DCC: variants seen among roughly 807,000 people sequenced by gnomAD.
DCC encodes netrin receptor DCC.
DCC carries 58 observed loss-of-function variants against 172.5 expected under a neutral mutation model. The observed-to-expected ratio is 0.34, with a 90% CI of 0.27 to 0.42. DCC has a LOEUF of 0.42. Ranked by LOEUF, DCC falls within the 10% of genes least tolerant of loss-of-function variation. The pLI is 1.00. For missense variants in DCC, 1,740 were observed against 1,791.0 expected, an observed-to-expected ratio of 0.97 and a Z score of 0.51; for synonymous variants, 709 against 644.5, an observed-to-expected ratio of 1.10 and a Z score of -1.52.
At chr18:52,841,799 T>C (rs544953483) in intron 2 of DCC, among the ~76,000 whole-genome samples, 17 of 152,058 alleles carry the variant, frequency 1.1e-4, no homozygotes, top group Non-Finnish European at 8.8e-5. Flanking sequence ...ATTTTTGCCA[T>C]TCCCCCCTCC....
At chr18:52,497,284 T>A (rs866913604) in intron 1 of DCC, among the ~76,000 whole-genome samples, 4,265 of 26,362 alleles carry the variant, frequency 0.16, 474 homozygotes, top group Non-Finnish European at 0.21. Flanking sequence ...AAAAAAAATA[T>A]ATATATATAT....
chr18:53,377,385 G>GAGAGAGAGAT (rs1241310696), intron 15 of DCC, among the ~76,000 whole-genome samples: 17 of 150,544 alleles, frequency 1.1e-4, no homozygotes, highest in Non-Finnish European at 1.9e-4. Context: ...GAGAGAGAGA[G>GAGAGAGAGAT]AGAGGAAGAA....
intron 2 of DCC, among the ~76,000 whole-genome samples, chr18:52,866,471 T>G (rs1457398630): frequency 2.0e-5 from 3 of 152,232 alleles, no homozygotes; most frequent in Non-Finnish European, 2.9e-5. Context: ...ATCTATAAAT[T>G]ACTTTGGGCA....
At position 52,915,006 on chromosome 18, in the gene DCC, G is replaced by C. The variant is rs2040020285; in HGVS notation, c.697+8678G>C. ...GAGGAGTACACAATGAGGAAAAAAG[G>C]CTTTTGCATTCAGAAAGCATAAAAA... On this transcript the variant is annotated intron_variant, in intron 3 of 28. Coordinates refer to ENST00000442544, the MANE Select transcript of DCC (RefSeq NM_005215.4). Among the ~76,000 whole-genome samples, 3 of 152,212 alleles carry C rather than the reference G, an allele frequency of 2.0e-5. 1 individual carries two copies. Among genetic ancestry groups the C allele is most frequent in the South Asian group, 4.1e-4 (2 of 4,826 alleles).
rs1419777115 is a variant in DCC at position 52,497,216 on chromosome 18, G to A, written c.91+156338G>A. ...TTTGAGGCTGCAGTTAACTATGATG[G>A]CGCCACTGCTCTCCAGCCTGGGTAA... On this transcript the variant is annotated intron_variant, in intron 1 of 28. Coordinates refer to ENST00000442544, the MANE Select transcript of DCC (RefSeq NM_005215.4). 2.8e-5 allele frequency among the ~76,000 whole-genome samples: 4 copies of A among 141,928 alleles called. 1 individual carries two copies. The South Asian group carries it at 6.7e-4, about 24-fold the overall frequency. The allele number at this position is 141,928 out of a possible 152,430, so 93.1% of individuals were successfully genotyped here. A position where few individuals can be genotyped will look rare whatever the true frequency, so the allele number is the denominator to read the frequency against.
intron 7 of DCC, among the ~76,000 whole-genome samples, chr18:53,143,355 T>C (rs8089828): frequency 0.56 from 85,475 of 151,988 alleles, 24,614 homozygotes; most frequent in South Asian, 0.74. Flanking sequence ...ATAGCAGTGA[T>C]TCCTCCTTTT....
chr18:53,100,062 T>A (rs1418394323), intron 7 of DCC, among the ~76,000 whole-genome samples: 1 of 150,600 alleles, frequency 6.6e-6, no homozygotes, highest in Non-Finnish European at 1.5e-5. Context: ...TTCTCCTGCA[T>A]CAGCCTCCCA....
Position 53,339,715 on chromosome 18 carries a change from T to A in DCC, c.2167T>A (p.Ser723Thr), listed in dbSNP as rs1257883845. The change falls in exon 15 of 29, where the codon TCT (serine) becomes ACT (threonine). Residue 723 changes from serine (S) to threonine (T), a missense_variant and splice_region_variant. Physicochemically the swap from Ser to Thr is moderately conservative, Grantham distance 58. Transcript: ENST00000442544. ...AETPENDLDESQVPDQPSSLH... is the reference protein window; with the variant it reads ...AETPENDLDETQVPDQPSSLH... Reference sequence around the variant, plus strand: ...TGATGCCTCTTTTTGAATGCTAGAATCTCAAGTTCCTGATCAACCAAGCTC... The same window carrying A: ...TGATGCCTCTTTTTGAATGCTAGAAACTCAAGTTCCTGATCAACCAAGCTC... 1.2e-6 allele frequency: 2 copies of A among 1,613,718 alleles called. No homozygotes were observed. Among genetic ancestry groups the A allele is most frequent in the East Asian group, 4.5e-5 (2 of 44,858 alleles).
intron 12 of DCC, among the ~76,000 whole-genome samples, chr18:53,302,527 T>G (rs993790523): frequency 3.3e-5 from 5 of 152,230 alleles, no homozygotes; most frequent in Non-Finnish European, 2.9e-5. Context: ...CTTCATTGTC[T>G]TCAACGCTGT....
rs1003775537 is a variant in DCC at position 53,024,913 on chromosome 18, C to T, written c.986-38392C>T. Among the ~76,000 whole-genome samples the T allele has an allele frequency of 2.0e-5, 3 of 152,070 alleles. No homozygotes were observed. The South Asian group carries it at 6.2e-4, about 32-fold the overall frequency. Reference sequence around the variant, plus strand: ...CTCTACCTGTGTATACCTCTTTGACCTACCATCTTCATAGAAACAAGATAA... The same window carrying T: ...CTCTACCTGTGTATACCTCTTTGACTTACCATCTTCATAGAAACAAGATAA... On this transcript the variant is annotated intron_variant, in intron 5 of 28. Coordinates refer to ENST00000442544, the MANE Select transcript of DCC (RefSeq NM_005215.4).
At chr18:53,272,337 A>C (rs991770605) in intron 12 of DCC, among the ~76,000 whole-genome samples, 2 of 152,176 alleles carry the variant, frequency 1.3e-5, no homozygotes, top group African/African-American at 4.8e-5. Context: ...AAACAACAGA[A>C]TATACATTGT....
chr18:53,503,163 C>A (rs879901047), intron 27 of DCC, among the ~76,000 whole-genome samples: 1 of 152,094 alleles, frequency 6.6e-6, no homozygotes, highest in Admixed American at 6.6e-5. Context: ...GGGTCTAGGG[C>A]AAAACATATT....
intron 21 of DCC, among the ~76,000 whole-genome samples, chr18:53,430,757 A>G (rs1283092567): frequency 1.3e-5 from 2 of 152,168 alleles, no homozygotes; most frequent in African/African-American, 2.4e-5. Context: ...TTAGTTACTC[A>G]TAGGACATTG....
chr18:52,837,871 G>A (rs1220628468), intron 2 of DCC, among the ~76,000 whole-genome samples: 3 of 152,154 alleles, frequency 2.0e-5, no homozygotes, highest in Non-Finnish European at 4.4e-5. Flanking sequence ...AGTTCTGCAG[G>A]ACTGGGGAGG....
At chr18:52,349,004 A>G (rs1984000565) in intron 1 of DCC, among the ~76,000 whole-genome samples, 1 of 152,200 alleles carries the variant, frequency 6.6e-6, no homozygotes, top group Admixed American at 6.5e-5. Flanking sequence ...GAACTAAAGG[A>G]TAACAGAAAC....
chr18:52,946,787 T>C lies in DCC; in HGVS notation c.985+21417T>C, dbSNP rs141100448. Among the ~76,000 whole-genome samples, 66 of 152,240 alleles carry C rather than the reference T, an allele frequency of 4.3e-4. No individual in the cohort carries two copies. In the East Asian group the frequency reaches 0.011, roughly 26 times the overall value. ...TGGCAAGAATGTTAATGCAGACATA[T>C]GAAGAATTGTGATCAATAATTTAAT... is the stretch of plus-strand genomic sequence containing the variant. On this transcript the variant is annotated intron_variant, in intron 5 of 28. Coordinates refer to ENST00000442544, the MANE Select transcript of DCC (RefSeq NM_005215.4).
intron 1 of DCC, among the ~76,000 whole-genome samples, chr18:52,568,177 T>C (rs958114101): frequency 2.6e-5 from 4 of 152,158 alleles, no homozygotes; most frequent in Non-Finnish European, 5.9e-5. Flanking sequence ...GTTAGAAAAC[T>C]ACACTTATCT....
intron 1 of DCC, among the ~76,000 whole-genome samples, chr18:52,362,229 A>G (rs537287924): frequency 1.6e-3 from 245 of 152,354 alleles, no homozygotes; most frequent in Admixed American, 5.4e-3. Flanking sequence ...GAATGAGTGA[A>G]TGATGGTTAT....
intron 1 of DCC, among the ~76,000 whole-genome samples, chr18:52,632,060 A>G (rs763174738): frequency 7.9e-5 from 12 of 152,132 alleles, no homozygotes; most frequent in Non-Finnish European, 1.5e-4. Context: ...CATCTTTCTG[A>G]TGTCAACTTC....
Sources: allele counts gnomAD v4.1 joint callset (sites outside exome capture counted in the v4.1 genomes callset), GRCh38; gene constraint gnomAD v4.1.1; transcripts MANE v1.5; gene names NCBI Gene and HGNC (gene_info 2026-07-23, HGNC 2026-07-21).